CNTNAP2: variants seen among roughly 807,000 people sequenced by gnomAD.
CNTNAP2 encodes contactin-associated protein-like 2.
In CNTNAP2, 98 loss-of-function variants were observed where a neutral mutation model predicts 155.2. The observed-to-expected ratio is 0.63, with a 90% CI of 0.54 to 0.75. CNTNAP2 has a LOEUF of 0.75. Ranked by LOEUF, CNTNAP2 falls within the 30% of genes least tolerant of loss-of-function variation. The probability of loss-of-function intolerance (pLI) is 0.00; values close to 1 mark genes in which losing one functional copy is unlikely to be tolerated. For missense variants in CNTNAP2, 1,727 were observed against 1,688.1 expected (o/e 1.02, Z -0.40); for synonymous variants, 651 against 631.2 (o/e 1.03, Z -0.47).
At chr7:147,543,898 GTTC>G (rs977201615) in intron 11 of CNTNAP2, among the ~76,000 whole-genome samples, 11 of 152,226 alleles carry the variant, frequency 7.2e-5, no homozygotes, top group African/African-American at 2.4e-4. Context: ...CCCATTCTAT[GTTC>G]AATTCACCAT....
intron 1 of CNTNAP2, among the ~76,000 whole-genome samples, chr7:146,186,634 T>C (rs73739511): frequency 5.3e-4 from 81 of 152,280 alleles, no homozygotes; most frequent in Non-Finnish European, 9.7e-4. Flanking sequence ...CCTTTATATA[T>C]GAATGACAAT....
At chr7:148,340,254 A>G (rs1798204963) in intron 21 of CNTNAP2, among the ~76,000 whole-genome samples, 1 of 152,234 alleles carries the variant, frequency 6.6e-6, no homozygotes. Context: ...TCTGAAAAGT[A>G]TCACCAAAAC....
chr7:147,249,739 A>G (rs1804150919), intron 8 of CNTNAP2, among the ~76,000 whole-genome samples: 1 of 151,954 alleles, frequency 6.6e-6, no homozygotes, highest in Non-Finnish European at 1.5e-5. Context: ...TACTAGTCAG[A>G]GGTCATAATT....
chr7:146,638,362 T>C (rs1431230097), intron 1 of CNTNAP2, among the ~76,000 whole-genome samples: 3 of 152,036 alleles, frequency 2.0e-5, no homozygotes, highest in Non-Finnish European at 4.4e-5. Flanking sequence ...TACACATACT[T>C]TATTTTGGCT....
chr7:147,697,401 C>T (rs1405479033), intron 13 of CNTNAP2, among the ~76,000 whole-genome samples: 1 of 152,068 alleles, frequency 6.6e-6, no homozygotes, highest in East Asian at 1.9e-4. Flanking sequence ...CGATCGATCT[C>T]GCCAACTGTG....
intron 13 of CNTNAP2, among the ~76,000 whole-genome samples, chr7:147,690,574 T>C (rs148230818): frequency 1.2e-3 from 172 of 147,608 alleles, no homozygotes; most frequent in Admixed American, 5.8e-3. Flanking sequence ...ATTACACAAA[T>C]AATTAATCTT....
intron 1 of CNTNAP2, among the ~76,000 whole-genome samples, chr7:146,121,291 G>C (rs1008342697): frequency 4.0e-5 from 6 of 151,638 alleles, no homozygotes; most frequent in Non-Finnish European, 4.4e-5. Flanking sequence ...ACCATGCCCG[G>C]CTAATTTTTA....
chr7:146,390,636 T>A (rs909388352), intron 1 of CNTNAP2, among the ~76,000 whole-genome samples: 7 of 147,338 alleles, frequency 4.8e-5, no homozygotes, highest in Non-Finnish European at 7.5e-5. Flanking sequence ...GAAATAAAAA[T>A]ATATATATTT....
At chr7:147,287,923 A>T (rs1805218130) in intron 8 of CNTNAP2, among the ~76,000 whole-genome samples, 1 of 152,004 alleles carries the variant, frequency 6.6e-6, no homozygotes, top group African/African-American at 2.4e-5. Context: ...CTCTTGCCCT[A>T]ATGACGGTAA....
intron 3 of CNTNAP2, among the ~76,000 whole-genome samples, chr7:146,990,046 ATT>A (rs1303597012): frequency 1.3e-5 from 2 of 151,972 alleles, no homozygotes; most frequent in African/African-American, 4.8e-5. Context: ...TTTACCTACA[ATT>A]TTACTTAGGT....
intron 10 of CNTNAP2, among the ~76,000 whole-genome samples, chr7:147,446,643 A>G (rs1797745573): frequency 6.6e-6 from 1 of 152,250 alleles, no homozygotes; most frequent in Non-Finnish European, 1.5e-5. Flanking sequence ...CACCACCTCA[A>G]GAGACTGTTT....
At chr7:146,985,484 A>AC (rs1554420590) in intron 3 of CNTNAP2, among the ~76,000 whole-genome samples, 1 of 150,326 alleles carries the variant, frequency 6.7e-6, no homozygotes, top group Non-Finnish European at 1.5e-5. Flanking sequence ...TGCCCGGCTA[A>AC]TTTTTTTTTG....
intron 8 of CNTNAP2, among the ~76,000 whole-genome samples, chr7:147,266,738 AGTT>A (rs1804620228): frequency 1.3e-5 from 2 of 152,308 alleles, no homozygotes; most frequent in South Asian, 4.1e-4. Context: ...AGTTATAACC[AGTT>A]GTGTTCTTTT....
At chr7:146,653,500 C>G (rs1267327871) in intron 1 of CNTNAP2, among the ~76,000 whole-genome samples, 1 of 152,088 alleles carries the variant, frequency 6.6e-6, no homozygotes, top group East Asian at 1.9e-4. Flanking sequence ...TTTGTATTGA[C>G]TCTTACCAAT....
intron 1 of CNTNAP2, among the ~76,000 whole-genome samples, chr7:146,414,495 T>C (rs1467002651): frequency 6.6e-6 from 1 of 152,140 alleles, no homozygotes; most frequent in Non-Finnish European, 1.5e-5. Context: ...AAGGTGATAG[T>C]TGCTAATACC....
At chr7:146,619,081 A>C (rs915438274) in intron 1 of CNTNAP2, among the ~76,000 whole-genome samples, 1 of 152,100 alleles carries the variant, frequency 6.6e-6, no homozygotes, top group East Asian at 1.9e-4. Context: ...TCTCAAAAAA[A>C]AAAAAAAGTG....
intron 14 of CNTNAP2, among the ~76,000 whole-genome samples, chr7:147,917,979 A>T (rs556850961): frequency 6.6e-6 from 1 of 152,300 alleles, no homozygotes; most frequent in Non-Finnish European, 1.5e-5. Flanking sequence ...TTTCAACATC[A>T]TCTACTTCTG....
intron 13 of CNTNAP2, among the ~76,000 whole-genome samples, chr7:147,726,352 C>T (rs962003885): frequency 6.6e-6 from 1 of 151,736 alleles, no homozygotes; most frequent in African/African-American, 2.4e-5. Flanking sequence ...GTAACTGAAC[C>T]CAGGACTGGC....
chr7:146,934,137 C>T (rs1796854248), intron 3 of CNTNAP2, among the ~76,000 whole-genome samples: 1 of 151,998 alleles, frequency 6.6e-6, no homozygotes, highest in African/African-American at 2.4e-5. Flanking sequence ...AAGACACATG[C>T]ACACGTATGT....
Sources: allele counts gnomAD v4.1 joint callset (sites outside exome capture counted in the v4.1 genomes callset), GRCh38; gene constraint gnomAD v4.1.1; transcripts MANE v1.5; gene names NCBI Gene and HGNC (gene_info 2026-07-23, HGNC 2026-07-21).